The following GRM8 variants were observed in gnomAD, a reference collection of about 807,000 sequenced individuals.
The protein encoded by GRM8 is metabotropic glutamate receptor 8.
GRM8 carries 47 observed loss-of-function variants against 87.2 expected under a neutral mutation model. The ratio of observed to expected loss-of-function variants is 0.54; its 90% CI spans 0.43 to 0.69. GRM8 has a LOEUF of 0.69. GRM8 is among the 30% of genes least tolerant of loss of function. GRM8 has a pLI of 0.00. For synonymous variants in GRM8, 396 were observed against 404.5 expected (o/e 0.98, Z 0.25); for missense variants, 1,019 against 1,139.2 (o/e 0.89, Z 1.52).
chr7:126,501,980 A>T (rs1809720322), intron 9 of GRM8, among the ~76,000 whole-genome samples: 1 of 151,916 alleles, frequency 6.6e-6, no homozygotes, highest in South Asian at 2.1e-4. Context: ...ACTTGATATG[A>T]TTTACTTTTT....
intron 3 of GRM8, among the ~76,000 whole-genome samples, chr7:126,999,210 C>T (rs1813479405): frequency 6.6e-6 from 1 of 151,838 alleles, no homozygotes; most frequent in South Asian, 2.1e-4. Context: ...AAACTAGACC[C>T]CTATCTCTTG....
chr7:126,533,515 A>C lies in GRM8; in HGVS notation c.1867T>G (p.Tyr623Asp), dbSNP rs768668054. Reference protein sequence around the residue: ...IVRASGRELSYVLLTGIFLCY... With the variant: ...IVRASGRELSDVLLTGIFLCY... Reference sequence around the variant, plus strand: ...AGAAAAATCCCCGTTAGGAGCACGTAACTAAGTTCGCGTCCTGAAGCCCTC... The same window carrying C: ...AGAAAAATCCCCGTTAGGAGCACGTCACTAAGTTCGCGTCCTGAAGCCCTC... The change falls in exon 9 of 11, where the codon TAC (tyrosine) becomes GAC (aspartate). Residue 623 changes from tyrosine (Y) to aspartate (D), a missense_variant. Physicochemically the swap from Tyr to Asp is radical, Grantham distance 160 (BLOSUM62 -3). Transcript: ENST00000339582. 3 of 1,614,136 alleles carry C rather than the reference A, an allele frequency of 1.9e-6. No individual in the cohort carries two copies. In the South Asian group the frequency reaches 3.3e-5, roughly 18 times the overall value.
At chr7:126,740,158 G>A (rs1048697670) in intron 7 of GRM8, among the ~76,000 whole-genome samples, 1 of 152,010 alleles carries the variant, frequency 6.6e-6, no homozygotes, top group Non-Finnish European at 1.5e-5. Flanking sequence ...ATAAATGCCA[G>A]GCAACATTGA....
At chr7:126,514,926 CTTGTA>C (rs1811957700) in intron 9 of GRM8, among the ~76,000 whole-genome samples, 1 of 151,894 alleles carries the variant, frequency 6.6e-6, no homozygotes, top group African/African-American at 2.4e-5. Context: ...GCAAACTCAA[CTTGTA>C]TTGTACTAGC....
rs147536836 is a variant in GRM8 at position 126,998,811 on chromosome 7, T to C, written c.728-94128A>G. ...TGTTCAAGGATTGAAGGAATCAATATTGCTAAAATGTCCATACTACCCAAA... is the reference window on the plus strand; with the variant it reads ...TGTTCAAGGATTGAAGGAATCAATACTGCTAAAATGTCCATACTACCCAAA... On this transcript the variant is annotated intron_variant, in intron 3 of 10. Transcript: ENST00000339582. Among the ~76,000 whole-genome samples, 1,380 of 151,922 alleles carry C rather than the reference T, an allele frequency of 9.1e-3. 22 individuals are homozygous for C. Among genetic ancestry groups the C allele is most frequent in the African/African-American group, 0.03 (1,255 of 41,518 alleles).
intron 7 of GRM8, among the ~76,000 whole-genome samples, chr7:126,669,786 A>G (rs1806190234): frequency 6.6e-6 from 1 of 152,248 alleles, no homozygotes; most frequent in African/African-American, 2.4e-5. Context: ...AAGGGGTATA[A>G]GAACAGTAAA....
intron 7 of GRM8, among the ~76,000 whole-genome samples, chr7:126,750,933 G>A (rs958092968): frequency 3.9e-5 from 6 of 152,072 alleles, no homozygotes; most frequent in Non-Finnish European, 7.4e-5. Context: ...AGGGTGAAGT[G>A]ATTCTTCAAA....
intron 3 of GRM8, among the ~76,000 whole-genome samples, chr7:126,925,055 A>G (rs751626303): frequency 3.3e-5 from 5 of 152,190 alleles, no homozygotes; most frequent in African/African-American, 1.2e-4. Flanking sequence ...AGAATGTGAC[A>G]GAAGAGAGCA....
intron 6 of GRM8, among the ~76,000 whole-genome samples, chr7:126,820,704 G>A (rs1170533270): frequency 6.6e-6 from 1 of 152,118 alleles, no homozygotes; most frequent in African/African-American, 2.4e-5. Context: ...CTCTCTCTCT[G>A]TTTCTCCACA....
intron 10 of GRM8, among the ~76,000 whole-genome samples, chr7:126,440,915 TATAA>T (rs1801399169): frequency 6.6e-6 from 1 of 152,112 alleles, no homozygotes; most frequent in South Asian, 2.1e-4. Flanking sequence ...ATTTATAGTA[TATAA>T]ATATTTACTA....
chr7:126,719,630 T>C (rs1483968657), intron 7 of GRM8, among the ~76,000 whole-genome samples: 1 of 152,130 alleles, frequency 6.6e-6, no homozygotes, highest in East Asian at 1.9e-4. Flanking sequence ...CAGAGGTGTA[T>C]TATTGGACAG....
intron 3 of GRM8, among the ~76,000 whole-genome samples, chr7:126,954,968 T>C (rs1808524425): frequency 2.0e-5 from 3 of 152,218 alleles, no homozygotes; most frequent in Admixed American, 2.0e-4. Flanking sequence ...AAGATTTTCC[T>C]GTAATCCCCA....
chr7:126,581,806 C>T (rs560555186), intron 8 of GRM8, among the ~76,000 whole-genome samples: 40 of 152,002 alleles, frequency 2.6e-4, no homozygotes, highest in Non-Finnish European at 5.1e-4. Context: ...ATCTGTGGTC[C>T]GTGATCTGTT....
intron 10 of GRM8, among the ~76,000 whole-genome samples, chr7:126,442,708 T>G (rs2150450451): frequency 6.6e-6 from 1 of 152,152 alleles, no homozygotes; most frequent in East Asian, 1.9e-4. Flanking sequence ...TTTCTAACTT[T>G]GGGGCTCTGT....
intron 7 of GRM8, among the ~76,000 whole-genome samples, chr7:126,692,300 T>C (rs1808909642): frequency 6.6e-6 from 1 of 152,188 alleles, no homozygotes; most frequent in South Asian, 2.1e-4. Context: ...AATTCTACTA[T>C]AATTGGGTCA....
At chr7:126,614,275 G>A (rs1433678781) in intron 7 of GRM8, among the ~76,000 whole-genome samples, 2 of 152,174 alleles carry the variant, frequency 1.3e-5, no homozygotes, top group Non-Finnish European at 1.5e-5. Flanking sequence ...AGGGTCTGGA[G>A]TGGACCTCCA....
At chr7:126,868,322 C>T (rs1156893288) in intron 6 of GRM8, among the ~76,000 whole-genome samples, 8 of 152,226 alleles carry the variant, frequency 5.3e-5, no homozygotes, top group Admixed American at 5.2e-4. Context: ...TCTAGCTGCT[C>T]AGCCTCAGGC....
chr7:127,059,094 T>C (rs918310158), intron 3 of GRM8, among the ~76,000 whole-genome samples: 1 of 151,984 alleles, frequency 6.6e-6, no homozygotes, highest in African/African-American at 2.4e-5. Flanking sequence ...TATGACAGAG[T>C]GTTCTGAGGA....
chr7:126,968,879 G>C (rs1207435209), intron 3 of GRM8, among the ~76,000 whole-genome samples: 1 of 152,122 alleles, frequency 6.6e-6, no homozygotes, highest in African/African-American at 2.4e-5. Flanking sequence ...GCTTGATTTA[G>C]TCACCCCACA....
Sources: allele counts gnomAD v4.1 joint callset (sites outside exome capture counted in the v4.1 genomes callset), GRCh38; gene constraint gnomAD v4.1.1; transcripts MANE v1.5; gene names NCBI Gene and HGNC (gene_info 2026-07-23, HGNC 2026-07-21).